Variants in RALYL observed in about 807,000 individuals in gnomAD.
RALYL encodes the protein RNA-binding Raly-like protein.
A neutral mutation model predicts 35.1 loss-of-function variants in RALYL; 29 were observed. That is an observed-to-expected ratio of 0.83 (90% CI 0.61 to 1.13). The LOEUF (loss-of-function observed/expected upper bound fraction) is 1.13, where lower values mean the gene tolerates loss of function less well. Among genes scored for constraint, RALYL ranks in the 50% most tolerant of loss-of-function variants. RALYL has a pLI of 0.00. For missense variants in RALYL, 359 were observed against 360.4 expected, an observed-to-expected ratio of 1.00 and a Z score of 0.03; for synonymous variants, 120 against 127.6, an observed-to-expected ratio of 0.94 and a Z score of 0.40.
In RALYL at chr8:84,631,659, G is replaced by T. The variant is rs1823938153; in HGVS notation, c.256+102082G>T. 2.0e-5 allele frequency among the ~76,000 whole-genome samples: 3 copies of T among 151,554 alleles called. No homozygotes were observed. In the South Asian group the frequency reaches 6.2e-4, roughly 32 times the overall value. Reference sequence around the variant, plus strand: ...AGTGTAGACTGAGGTATAGAATTCAGGATAGAGGAAGACTGAAAGTACTGG... The same window carrying T: ...AGTGTAGACTGAGGTATAGAATTCATGATAGAGGAAGACTGAAAGTACTGG... On this transcript the variant is annotated intron_variant, in intron 2 of 8. Coordinates refer to ENST00000521268, the MANE Select transcript of RALYL (RefSeq NM_173848.7).
intron 1 of RALYL, among the ~76,000 whole-genome samples, chr8:84,350,389 TGAA>T (rs1850668166): frequency 6.6e-6 from 1 of 150,620 alleles, no homozygotes; most frequent in African/African-American, 2.5e-5. Flanking sequence ...TTTTGTAAAA[TGAA>T]GAATTTTTTT....
chr8:84,734,294 T>C (rs537317975), intron 2 of RALYL, among the ~76,000 whole-genome samples: 15 of 152,302 alleles, frequency 9.8e-5, no homozygotes, highest in African/African-American at 3.6e-4. Flanking sequence ...TAAATATCTT[T>C]ACTCATCTTT....
intron 2 of RALYL, among the ~76,000 whole-genome samples, chr8:84,647,115 G>A (rs1416071716): frequency 6.6e-6 from 1 of 152,040 alleles, no homozygotes; most frequent in Non-Finnish European, 1.5e-5. Context: ...TCAAGCTCAG[G>A]ACGCCAACCT....
chr8:84,301,846 ACTTAT>A (rs1012767964), intron 1 of RALYL, among the ~76,000 whole-genome samples: 8 of 152,128 alleles, frequency 5.3e-5, no homozygotes, highest in African/African-American at 1.7e-4. Flanking sequence ...AAAATTAAGT[ACTTAT>A]CTTTTTCTTC....
At chr8:84,425,636 A>C (rs1316806559) in intron 1 of RALYL, among the ~76,000 whole-genome samples, 6 of 152,182 alleles carry the variant, frequency 3.9e-5, no homozygotes. Flanking sequence ...CAGCAATTCT[A>C]AACTTTTCTC....
intron 2 of RALYL, among the ~76,000 whole-genome samples, chr8:84,594,830 C>T (rs1814105455): frequency 6.6e-6 from 1 of 152,016 alleles, no homozygotes; most frequent in African/African-American, 2.4e-5. Flanking sequence ...AGAAGTCTAT[C>T]AAGTTGGGGT....
intron 1 of RALYL, among the ~76,000 whole-genome samples, chr8:84,475,288 C>A (rs1465963947): frequency 6.6e-6 from 1 of 152,040 alleles, no homozygotes; most frequent in Non-Finnish European, 1.5e-5. Context: ...TCTTGGCTCA[C>A]TGCACCTTTG....
At chr8:84,660,987 A>C (rs553774544) in intron 2 of RALYL, among the ~76,000 whole-genome samples, 1 of 152,040 alleles carries the variant, frequency 6.6e-6, no homozygotes, top group East Asian at 1.9e-4. Flanking sequence ...GAAGTGCAGT[A>C]GTGCAATCTC....
At chr8:84,543,971 C>A (rs1260227549) in intron 2 of RALYL, among the ~76,000 whole-genome samples, 1 of 151,970 alleles carries the variant, frequency 6.6e-6, no homozygotes, top group Non-Finnish European at 1.5e-5. Context: ...TGCTTTATCC[C>A]ACAATACACC....
intron 4 of RALYL, among the ~76,000 whole-genome samples, chr8:84,807,825 T>C (rs1467202837): frequency 6.6e-6 from 1 of 152,238 alleles, no homozygotes; most frequent in Non-Finnish European, 1.5e-5. Context: ...ATTTGAGTAC[T>C]ATCTATTCAT....
At chr8:84,591,346 TTTA>T (rs1019847226) in intron 2 of RALYL, among the ~76,000 whole-genome samples, 74 of 152,276 alleles carry the variant, frequency 4.9e-4, no homozygotes, top group African/African-American at 1.6e-3. Context: ...GAAAAATGAC[TTTA>T]TTATTTATAA....
chr8:84,597,196 G>A (rs930006618), intron 2 of RALYL, among the ~76,000 whole-genome samples: 2 of 152,094 alleles, frequency 1.3e-5, no homozygotes, highest in African/African-American at 4.8e-5. Flanking sequence ...AGTGGAATAA[G>A]TCCTTTATCA....
intron 1 of RALYL, among the ~76,000 whole-genome samples, chr8:84,492,149 C>T (rs13256508): frequency 0.37 from 55,759 of 151,712 alleles, 10,373 homozygotes; most frequent in South Asian, 0.52. Flanking sequence ...ATATAGTGTA[C>T]AATACAGTTT....
intron 2 of RALYL, among the ~76,000 whole-genome samples, chr8:84,621,283 G>A (rs920938532): frequency 6.6e-6 from 1 of 152,204 alleles, no homozygotes; most frequent in African/African-American, 2.4e-5. Context: ...GCCAGGTGCA[G>A]GATATAATCT....
chr8:84,389,517 C>A (rs932394588), intron 1 of RALYL, among the ~76,000 whole-genome samples: 1 of 150,560 alleles, frequency 6.6e-6, no homozygotes, highest in Non-Finnish European at 1.5e-5. Context: ...CTTTTATTTC[C>A]TTGAGCAGTG....
chr8:84,621,191 T>C lies in RALYL; in HGVS notation c.256+91614T>C, dbSNP rs547255483. Reference sequence around the variant, plus strand: ...ATGGTGGGTGCCCCTCCCCCAGCCTTGCTGCCCCCTTGCAGTCTGATCTCA... The same window carrying C: ...ATGGTGGGTGCCCCTCCCCCAGCCTCGCTGCCCCCTTGCAGTCTGATCTCA... On this transcript the variant is annotated intron_variant, in intron 2 of 8. Coordinates refer to ENST00000521268, the MANE Select transcript of RALYL (RefSeq NM_173848.7). Among the ~76,000 whole-genome samples, 302 of 152,282 alleles carry C rather than the reference T, an allele frequency of 2.0e-3. 1 individual carries two copies. Among genetic ancestry groups the C allele is most frequent in the Non-Finnish European group, 3.6e-3 (244 of 68,012 alleles).
intron 2 of RALYL, among the ~76,000 whole-genome samples, chr8:84,621,623 C>T (rs755065571): frequency 1.3e-5 from 2 of 152,110 alleles, no homozygotes; most frequent in African/African-American, 2.4e-5. Context: ...GCTCCTCCCC[C>T]GACTATAGAA....
intron 8 of RALYL, among the ~76,000 whole-genome samples, chr8:84,908,377 T>C (rs2135652634): frequency 6.6e-6 from 1 of 152,228 alleles, no homozygotes; most frequent in Admixed American, 6.6e-5. Context: ...ACCTCCCTGT[T>C]TCTCGTAACC....
chr8:84,639,831 T>A (rs1311765969), intron 2 of RALYL, among the ~76,000 whole-genome samples: 2 of 151,986 alleles, frequency 1.3e-5, no homozygotes, highest in East Asian at 3.9e-4. Context: ...TCATTAATCC[T>A]TAAAACCCTT....
Sources: allele counts gnomAD v4.1 joint callset (sites outside exome capture counted in the v4.1 genomes callset), GRCh38; gene constraint gnomAD v4.1.1; transcripts MANE v1.5; gene names NCBI Gene and HGNC (gene_info 2026-07-23, HGNC 2026-07-21).